CNTNAP3: variants seen among roughly 807,000 people sequenced by gnomAD.
CNTNAP3 encodes the protein contactin associated protein family member 3, also known as contactin-associated protein-like 3.
In CNTNAP3, 36 loss-of-function variants were observed where a neutral mutation model predicts 92.1. The ratio of observed to expected loss-of-function variants is 0.39; its 90% CI spans 0.30 to 0.52. The LOEUF (loss-of-function observed/expected upper bound fraction) is 0.52. Among genes scored for constraint, CNTNAP3 ranks in the 20% least tolerant of loss-of-function variants. The pLI is 0.76. For missense variants in CNTNAP3, 534 were observed against 1,069.6 expected (o/e 0.50, Z 6.98); for synonymous variants, 232 against 422.3 (o/e 0.55, Z 5.53).
Position 39,135,609 on chromosome 9 carries a change from TATG to T in CNTNAP3, c.1877-2477_1877-2475del, listed in dbSNP as rs770887572. On this transcript the variant is annotated intron_variant, in intron 12 of 23. Coordinates refer to ENST00000297668, the MANE Select transcript of CNTNAP3 (RefSeq NM_033655.5). ...TTAACAGTACAGATGTTCCTCAATTTATGATGAAGTTGCATCCAGATGAACTTA... is the reference window on the plus strand; with the variant it reads ...TTAACAGTACAGATGTTCCTCAATTTATGAAGTTGCATCCAGATGAACTTA... 2.7e-4 allele frequency among the ~76,000 whole-genome samples: 41 copies of T among 152,306 alleles called. No individual in the cohort carries two copies. In the East Asian group the frequency reaches 6.4e-3, roughly 24 times the overall value.
chr9:39,087,717 A>C (rs1188959752), intron 19 of CNTNAP3, among the ~76,000 whole-genome samples: 5 of 152,010 alleles, frequency 3.3e-5, no homozygotes, highest in African/African-American at 7.2e-5. Flanking sequence ...CGATTTCCTG[A>C]CCTCGTGATC....
In CNTNAP3 at chr9:39,069,684, C is replaced by A. The variant is rs1215678803; in HGVS notation, c.*4206G>T. Among the ~76,000 whole-genome samples, 1 of 152,312 alleles carries A rather than the reference C, an allele frequency of 6.6e-6. No homozygotes were observed. The highest frequency in any genetic ancestry group is 1.5e-5 in the Non-Finnish European group (1 of 68,058). On this transcript the variant is annotated 3_prime_UTR_variant, in exon 24 of 24. Transcript: ENST00000297668. ...ATCCATAATAAATTCTGCTACTACT[C>A]CTAGTAATGGCAACTTTATGTAACC...
intron 18 of CNTNAP3, 148 bp downstream of exon 18, chr9:39,099,763 A>G (rs1480606004): frequency 7.4e-6 from 7 of 951,778 alleles, no homozygotes; most frequent in Admixed American, 2.8e-5. Context: ...TCCCTTCTAA[A>G]TTCAATAGAG....
chr9:39,123,393 A>G (rs1821082996), intron 13 of CNTNAP3, among the ~76,000 whole-genome samples: 2 of 151,796 alleles, frequency 1.3e-5, no homozygotes, highest in African/African-American at 2.4e-5. Flanking sequence ...ACCGCGCCCG[A>G]CCCTGTTGGA....
At chr9:39,122,077 G>A (rs554661009) in intron 13 of CNTNAP3, among the ~76,000 whole-genome samples, 6 of 152,174 alleles carry the variant, frequency 3.9e-5, no homozygotes, top group African/African-American at 9.7e-5. Context: ...GCTTCTGGCC[G>A]GGCGCGGTGG....
At chr9:39,127,377 A>G (rs1210401843) in intron 13 of CNTNAP3, among the ~76,000 whole-genome samples, 1 of 152,044 alleles carries the variant, frequency 6.6e-6, no homozygotes, top group Non-Finnish European at 1.5e-5. Context: ...TCTAGAAACT[A>G]GAAAACAAAA....
rs574337076 is a variant in CNTNAP3 at position 39,099,708 on chromosome 9, A to C, written c.2995+203T>G. 8.9e-4 allele frequency: 676 copies of C among 758,108 alleles called. 3 individuals are homozygous for C. The African/African-American group carries it at 0.011, about 12-fold the overall frequency. 47.0% of individuals were successfully genotyped at this position (758,108 alleles called of 1,614,324 possible). ...TAACCCAGAGATCTTCTAAATAAGA[A>C]ACCCAGAGAGGACTGATAGCCTTAA... On this transcript the variant is annotated intron_variant, in intron 18 of 23. Transcript: ENST00000297668.
chr9:39,133,807 G>A (rs1009724841), intron 12 of CNTNAP3, among the ~76,000 whole-genome samples: 50 of 152,136 alleles, frequency 3.3e-4, no homozygotes, highest in African/African-American at 1.2e-3. Flanking sequence ...TCTCAAAAGG[G>A]AAGAAGTGCA....
At chr9:39,121,641 T>C (rs1170576402) in intron 13 of CNTNAP3, among the ~76,000 whole-genome samples, 1 of 152,104 alleles carries the variant, frequency 6.6e-6, no homozygotes, top group Non-Finnish European at 1.5e-5. Flanking sequence ...TGATGGATAC[T>C]GAGCAAGGAC....
intron 14 of CNTNAP3, among the ~76,000 whole-genome samples, chr9:39,113,761 T>G (rs1239290091): frequency 2.6e-5 from 4 of 151,876 alleles, no homozygotes; most frequent in Non-Finnish European, 4.4e-5. Context: ...TTTTTTATAC[T>G]TATTCAACAA....
chr9:39,180,263 A>AT (rs139815720), intron 4 of CNTNAP3, among the ~76,000 whole-genome samples: 3 of 2,264 alleles, frequency 1.3e-3, no homozygotes, highest in African/African-American at 3.6e-3. Context: ...TATTTGAGCT[A>AT]TTTTTTTTTT....
intron 15 of CNTNAP3, among the ~76,000 whole-genome samples, chr9:39,104,479 C>CACAA (rs1554715577): frequency 1.2e-5 from 1 of 86,334 alleles, no homozygotes; most frequent in African/African-American, 5.5e-5. Context: ...CATACACATA[C>CACAA]ACACACACAC....
rs186204281 is a variant in CNTNAP3 at position 39,099,853 on chromosome 9, T to C, written c.2995+58A>G. The C allele has an allele frequency of 2.2e-5, 34 of 1,580,012 alleles. No individual in the cohort carries two copies. In the East Asian group the frequency reaches 7.8e-4, roughly 36 times the overall value. On this transcript the variant is annotated intron_variant, in intron 18 of 23. Coordinates refer to ENST00000297668, the MANE Select transcript of CNTNAP3 (RefSeq NM_033655.5). Reference sequence around the variant, plus strand: ...ATAATATCAAATGCCAGAAGCATTCTTCATGTTATTTAAGTTTCATGTACT... The same window carrying C: ...ATAATATCAAATGCCAGAAGCATTCCTCATGTTATTTAAGTTTCATGTACT...
rs1244774917 is a variant in CNTNAP3, at chr9:39,109,195, G to T, written c.2330C>A (p.Ala777Asp). The T allele has an allele frequency of 5.0e-6, 8 of 1,612,924 alleles. No individual in the cohort carries two copies. Among genetic ancestry groups the T allele is most frequent in the African/African-American group, 2.7e-5 (2 of 74,960 alleles). Residue 777 changes from alanine (A) to aspartate (D), a missense_variant, in exon 15 of 24, where the codon GCT becomes GAT. Coordinates refer to ENST00000297668, the MANE Select transcript of CNTNAP3 (RefSeq NM_033655.5). ...GCAGAGCAGTGGCCCCAGTGTATAA[G>T]CTGCTTCGGAATGTGGTCGGCCTGC... ...TDAGRPHSEA[A>D]YTLGPLLCRG...
intron 13 of CNTNAP3, among the ~76,000 whole-genome samples, chr9:39,130,259 G>T (rs1218402824): frequency 6.6e-6 from 1 of 151,862 alleles, no homozygotes; most frequent in Non-Finnish European, 1.5e-5. Flanking sequence ...CCTTCAATGA[G>T]TGAATAAACT....
At chr9:39,151,327 G>A (rs1187873555) in intron 9 of CNTNAP3, among the ~76,000 whole-genome samples, 3 of 147,310 alleles carry the variant, frequency 2.0e-5, no homozygotes, top group Non-Finnish European at 4.5e-5. Context: ...GGCCAAGGCG[G>A]GCGGATCATG....
At chr9:39,111,845 T>TA in intron 14 of CNTNAP3, among the ~76,000 whole-genome samples, 1 of 152,246 alleles carries the variant, frequency 6.6e-6, no homozygotes, top group Admixed American at 6.5e-5. Context: ...GATACTATAA[T>TA]AAAGTCTTGT....
chr9:39,067,418 G>T lies in CNTNAP3; in HGVS notation c.*6472C>A, dbSNP rs1457197200. ...CTCGTTGGGTGTTGGATTTTTTTTT[G>T]ATGGAGTCTGGCTCTGTTGCCCAGG... On this transcript the variant is annotated 3_prime_UTR_variant, in exon 24 of 24. Transcript: ENST00000297668. Among the ~76,000 whole-genome samples, 13 of 152,194 alleles carry T rather than the reference G, an allele frequency of 8.5e-5. No homozygotes were observed. Among genetic ancestry groups the T allele is most frequent in the South Asian group, 4.2e-4 (2 of 4,712 alleles).
chr9:39,136,537 G>A (rs1821440718), intron 12 of CNTNAP3, among the ~76,000 whole-genome samples: 1 of 152,142 alleles, frequency 6.6e-6, no homozygotes, highest in Non-Finnish European at 1.5e-5. Flanking sequence ...GATTTCTGAA[G>A]AGAAGTCGCT....
Sources: gnomAD v4.1 joint callset for allele counts (sites outside exome capture counted in the v4.1 genomes callset) on GRCh38, gnomAD v4.1.1 for gene constraint, MANE v1.5 for transcripts, NCBI Gene and HGNC (gene_info 2026-07-23, HGNC 2026-07-21) for gene names.